The following TENM1 variants were observed in gnomAD, a reference collection of about 807,000 sequenced individuals.
The protein encoded by TENM1 is teneurin-1.
TENM1 carries 35 observed loss-of-function variants against 174.8 expected under a neutral mutation model. The observed-to-expected ratio is 0.20, with a 90% CI of 0.15 to 0.27. The LOEUF is 0.27. Ranked by LOEUF, TENM1 falls within the 10% of genes least tolerant of loss-of-function variation. The pLI is 1.00. For synonymous variants in TENM1, 781 were observed against 798.7 expected, an observed-to-expected ratio of 0.98 and a Z score of 0.37; for missense variants, 1,633 against 2,130.1, an observed-to-expected ratio of 0.77 and a Z score of 4.59.
At chrX:124,658,516 T>A (rs2148408386) in intron 6 of TENM1, among the ~76,000 whole-genome samples, 1 of 111,844 alleles carries the variant, frequency 8.9e-6, no homozygotes, top group East Asian at 2.8e-4. Context: ...TAATTGTTTT[T>A]ATTAAATGTC....
chrX:124,523,640 C>G lies in TENM1; in HGVS notation c.2772-15G>C. 8.3e-7 allele frequency: 1 copy of G among 1,201,663 alleles called. No homozygotes were observed. The highest frequency in any genetic ancestry group is 1.1e-6 in the Non-Finnish European group (1 of 888,912). ...CGAGGTCAAAGCTAAGAAGGAAAAA[C>G]ATAAGACAGTTGCAATCAAATGAAA... On this transcript the variant is annotated splice_polypyrimidine_tract_variant and intron_variant, in intron 16 of 31. Coordinates refer to ENST00000422452, the Ensembl canonical transcript of TENM1.
intron 25 of TENM1, among the ~76,000 whole-genome samples, chrX:124,410,015 A>T (rs1169144372): frequency 9.1e-6 from 1 of 109,473 alleles, no homozygotes; most frequent in African/African-American, 3.3e-5. Flanking sequence ...ATTGGAAAAA[A>T]CTACTTTAAA....
At chrX:125,025,313 T>A in the TENM1 span, among the ~76,000 whole-genome samples, 2 of 111,247 alleles carry the variant, frequency 1.8e-5, no homozygotes, top group African/African-American at 6.6e-5. Flanking sequence ...GCTACTCCAG[T>A]TCTTCCTCTT....
the TENM1 span, among the ~76,000 whole-genome samples, chrX:125,149,979 C>T: frequency 2.3e-4 from 26 of 111,193 alleles, no homozygotes; most frequent in African/African-American, 8.2e-4. Flanking sequence ...CCAACACATG[C>T]TTCTGGCATC....
intron 11 of TENM1, among the ~76,000 whole-genome samples, chrX:124,587,157 A>C (rs1602725805): frequency 9.1e-6 from 1 of 109,717 alleles, no homozygotes; most frequent in Non-Finnish European, 1.9e-5. Context: ...CAAGCTACCA[A>C]TGACTTTCTT....
intron 3 of TENM1, among the ~76,000 whole-genome samples, chrX:124,886,540 TATATATATAG>T (rs1233441376): frequency 2.3e-3 from 208 of 90,903 alleles, no homozygotes; most frequent in African/African-American, 8.4e-3. Flanking sequence ...TATATATATA[TATATATATAG>T]AGAGAGAGAG....
At chrX:124,599,944 C>T (rs1049246854) in intron 11 of TENM1, among the ~76,000 whole-genome samples, 5 of 109,956 alleles carry the variant, frequency 4.5e-5, no homozygotes. Context: ...ATAATGGAAA[C>T]TCATGGTTTT....
chrX:124,536,286 C>T (rs929485293), intron 15 of TENM1, among the ~76,000 whole-genome samples: 1 of 110,977 alleles, frequency 9.0e-6, no homozygotes, highest in East Asian at 2.8e-4. Context: ...TGCTCATATG[C>T]AAACCCAATA....
At chrX:124,476,591 A>G (rs1248247591) in intron 22 of TENM1, among the ~76,000 whole-genome samples, 1 of 111,756 alleles carries the variant, frequency 8.9e-6, no homozygotes, top group Admixed American at 9.5e-5. Flanking sequence ...GTGAGGTCCA[A>G]GAGAACCAAA....
intron 13 of TENM1, among the ~76,000 whole-genome samples, chrX:124,562,954 C>T (rs1239402217): frequency 8.9e-6 from 1 of 111,819 alleles, no homozygotes; most frequent in Non-Finnish European, 1.9e-5. Flanking sequence ...CAACTATCAA[C>T]AGACAAGAGG....
intron 15 of TENM1, among the ~76,000 whole-genome samples, chrX:124,533,893 T>G (rs1248568488): frequency 3.6e-5 from 4 of 111,261 alleles, no homozygotes; most frequent in Non-Finnish European, 7.5e-5. Context: ...CTCCTTTGAT[T>G]CACAGACATG....
intron 6 of TENM1, among the ~76,000 whole-genome samples, chrX:124,664,001 T>C (rs1388077233): frequency 1.8e-5 from 2 of 111,606 alleles, no homozygotes; most frequent in Admixed American, 9.5e-5. Flanking sequence ...TGCAGCACTC[T>C]AGCTGGGCCC....
At chrX:125,128,804 C>T in the TENM1 span, among the ~76,000 whole-genome samples, 1 of 111,399 alleles carries the variant, frequency 9.0e-6, no homozygotes, top group African/African-American at 3.3e-5. Flanking sequence ...ATCACAGTAA[C>T]TGGCACACAC....
At chrX:124,642,073 G>T in intron 10 of TENM1, 82 bp from the exon 14 acceptor site, 1 of 677,742 alleles carries the variant, frequency 1.5e-6, no homozygotes, top group Non-Finnish European at 2.4e-6. Context: ...ATGAAACGGA[G>T]ATTACATTGA....
the TENM1 span, among the ~76,000 whole-genome samples, chrX:125,111,744 C>A: frequency 9.0e-6 from 1 of 111,582 alleles, no homozygotes; most frequent in East Asian, 2.8e-4. Context: ...GTTTTAGAGT[C>A]AACACATTTA....
chrX:124,682,846 G>A (rs1021567085), intron 5 of TENM1, among the ~76,000 whole-genome samples: 70 of 111,013 alleles, frequency 6.3e-4, no homozygotes, highest in African/African-American at 2.2e-3. Context: ...TATAGACCAT[G>A]GGAAGATAGG....
the TENM1 span, among the ~76,000 whole-genome samples, chrX:125,071,357 G>C: frequency 1.8e-5 from 2 of 111,613 alleles, no homozygotes; most frequent in South Asian, 7.5e-4. Flanking sequence ...CATCTCCCAA[G>C]AAGTAGTCTG....
chrX:124,947,144 C>T lies in TENM1; in HGVS notation c.217+16393G>A, dbSNP rs143506381. Among the ~76,000 whole-genome samples the T allele has an allele frequency of 7.3e-3, 817 of 111,616 alleles. 4 individuals are homozygous for T. The highest frequency in any genetic ancestry group is 0.028 in the Middle Eastern group (6 of 215). On this transcript the variant is annotated intron_variant, in intron 1 of 31. Transcript: ENST00000422452. ...CAAAGGAAAGAACACTGTCCCTTGG[C>T]CATGGCATACACTTCGGTCTTGCAC...
At chrX:124,383,335 T>C (rs1228074984) in intron 30 of TENM1, among the ~76,000 whole-genome samples, 1 of 111,941 alleles carries the variant, frequency 8.9e-6, no homozygotes, top group African/African-American at 3.2e-5. Flanking sequence ...TGGATTATAA[T>C]ATCAGCTTAT....
Sources: allele counts gnomAD v4.1 joint callset (sites outside exome capture counted in the v4.1 genomes callset), GRCh38; gene constraint gnomAD v4.1.1; transcripts MANE v1.5; gene names NCBI Gene and HGNC (gene_info 2026-07-23, HGNC 2026-07-21).